The following PRDM13 variants were observed in gnomAD, a reference collection of about 807,000 sequenced individuals.
PRDM13 encodes the protein PR domain zinc finger protein 13.
Under a neutral mutation model 36.4 loss-of-function variants are expected in PRDM13, and 15 were observed. That is an observed-to-expected ratio of 0.41 (90% confidence interval 0.28 to 0.64). PRDM13 has a LOEUF of 0.64. Among genes scored for constraint, PRDM13 ranks in the 30% least tolerant of loss-of-function variants. The pLI is 0.29. For missense variants in PRDM13, 1,044 were observed against 1,013.5 expected (o/e 1.03, Z -0.41); for synonymous variants, 531 against 467.7 (o/e 1.14, Z -1.75).
At position 99,613,668 on chromosome 6, in the gene PRDM13, TC is replaced by T; in HGVS notation, c.1034del (p.Ser345TrpfsTer146). ...ACGRPGSGEN[S>X]AAGGAGHHHH... The stretch of plus-strand genomic sequence containing the variant: ...CGGGCGCCCCGGGAGCGGGGAGAAC[TC>T]GGCGGCGGGCGGCGCGGGTCACCAC... On this transcript the variant is annotated frameshift_variant, in exon 4 of 4. Transcript: ENST00000369215. LOFTEE classifies it high-confidence loss of function. The surrounding 1 kb of genome is among the most constrained non-coding windows in gnomAD (Gnocchi z 6.1). The T allele has an allele frequency of 7.1e-7, 1 of 1,418,348 alleles. No homozygotes were observed. Among genetic ancestry groups the T allele is most frequent in the Middle Eastern group, 2.6e-4 (1 of 3,868 alleles). The allele number at this position is 1,418,348 out of a possible 1,614,324, so 87.9% of individuals were successfully genotyped here.
chr6:99,609,675 TAGG>T (rs1169562846), intron 3 of PRDM13, among the ~76,000 whole-genome samples: 9 of 151,976 alleles, frequency 5.9e-5, no homozygotes, highest in Non-Finnish European at 1.3e-4. Context: ...CACTTGAGGC[TAGG>T]AGTTCGAGAC....
chr6:99,613,659 G>T lies in PRDM13; in HGVS notation c.1024G>T (p.Gly342Trp), dbSNP rs575217517. 4.2e-5 allele frequency: 60 copies of T among 1,427,440 alleles called. No individual in the cohort carries two copies. In the African/African-American group the frequency reaches 8.2e-4, roughly 19 times the overall value. The allele number at this position is 1,427,440 out of a possible 1,614,324, so 88.4% of individuals were successfully genotyped here. Reference protein sequence around the residue: ...GGRACGRPGSGENSAAGGAGH... With the variant: ...GGRACGRPGSWENSAAGGAGH... ...CCGGGCGTGCGGGCGCCCCGGGAGC[G>T]GGGAGAACTCGGCGGCGGGCGGCGC... is the stretch of plus-strand genomic sequence containing the variant. The change falls in exon 4 of 4, where the codon GGG (glycine) becomes TGG (tryptophan). Residue 342 changes from glycine to tryptophan, a missense_variant. By Grantham distance (184) the Gly-to-Trp change is radical (BLOSUM62 -2). Around this residue, in one of 3 missense-constraint regions of PRDM13, gnomAD observed 921 missense variants for 865.2 expected, o/e 1.06. Transcript: ENST00000369215. The surrounding 1 kb of genome is among the most constrained non-coding windows in gnomAD (Gnocchi z 6.1).
rs1430928278 is a variant in PRDM13, at chr6:99,613,963, G to A, written c.1328G>A (p.Gly443Asp). The A allele has an allele frequency of 6.3e-7, 1 of 1,598,712 alleles. No homozygotes were observed. Among genetic ancestry groups the A allele is most frequent in the Non-Finnish European group, 8.5e-7 (1 of 1,175,214 alleles). Residue 443 changes from glycine (G) to aspartate (D), a missense_variant, in exon 4 of 4, where the codon GGT becomes GAT. By Grantham distance (94) the Gly-to-Asp change is moderately conservative (BLOSUM62 -1). Transcript: ENST00000369215. The surrounding 1 kb of genome is among the most constrained non-coding windows in gnomAD (Gnocchi z 6.1). ...RCALPPLDPG[G>D]LKAYPGGECS... The stretch of plus-strand genomic sequence containing the variant: ...GCGCTGCCGCCCCTCGACCCGGGCG[G>A]TCTCAAAGCCTATCCGGGTGGTGAG...
Position 99,608,869 on chromosome 6 carries a change from A to T in PRDM13, c.273A>T (p.Gly91=), listed in dbSNP as rs1769991638. The stretch of plus-strand genomic sequence containing the variant: ...AAGCTATTGCAGACTTACCCGGAGG[A>T]CAGGTACTGCGGGCTTCTCTCCACA... The part of the protein sequence containing the change: ...TLEAIADLPG[G]QIFYRALRDV... The change falls in exon 2 of 4, where the codon GGA becomes GGT. Residue 91 remains glycine, a synonymous_variant. Transcript: ENST00000369215. The T allele has an allele frequency of 2.5e-6, 4 of 1,612,578 alleles. No homozygotes were observed. Among genetic ancestry groups the T allele is most frequent in the Non-Finnish European group, 3.4e-6 (4 of 1,179,272 alleles).
Position 99,615,081 on chromosome 6 carries a change from A to C in PRDM13, c.*322A>C. 1 of 371,444 alleles carries C rather than the reference A, an allele frequency of 2.7e-6. No homozygotes were observed. The highest frequency in any genetic ancestry group is 4.8e-6 in the Non-Finnish European group (1 of 206,484). 23.0% of individuals were successfully genotyped at this position (371,444 alleles called of 1,614,324 possible). A position where few individuals can be genotyped will look rare whatever the true frequency, so the allele number is the denominator to read the frequency against. ...GCTCTTGGTGTTCAGAATCACATCA[A>C]TGCGAACGTCACAGCGCCTTCGAGG... is the stretch of plus-strand genomic sequence containing the variant. On this transcript the variant is annotated 3_prime_UTR_variant, in exon 4 of 4. Coordinates refer to ENST00000369215, the MANE Select transcript of PRDM13 (RefSeq NM_021620.4).
rs754327448 is a variant in PRDM13 at position 99,613,529 on chromosome 6, C to G, written c.894C>G (p.Ala298=). The part of the protein sequence containing the change: ...YPGVRSAFKP[A]GLARAAAAAH... The stretch of plus-strand genomic sequence containing the variant: ...GCGTGCGCTCAGCTTTCAAGCCCGC[C>G]GGCCTAGCGAGGGCGGCGGCGGCCG... Residue 298 remains alanine, a synonymous_variant, in exon 4 of 4, where the codon GCC becomes GCG. Coordinates refer to ENST00000369215, the MANE Select transcript of PRDM13 (RefSeq NM_021620.4). The surrounding 1 kb of genome is among the most constrained non-coding windows in gnomAD (Gnocchi z 6.1). The G allele has an allele frequency of 2.7e-6, 4 of 1,497,760 alleles. No individual in the cohort carries two copies. Among genetic ancestry groups the G allele is most frequent in the Non-Finnish European group, 3.5e-6 (4 of 1,134,418 alleles). The allele number at this position is 1,497,760 out of a possible 1,614,324, so 92.8% of individuals were successfully genotyped here.
Position 99,614,002 on chromosome 6 carries a change from C to T in PRDM13, c.1367C>T (p.Pro456Leu), listed in dbSNP as rs986806827. Residue 456 changes from proline to leucine, a missense_variant, in exon 4 of 4, where the codon CCC becomes CTC. Around this residue, in one of 3 missense-constraint regions of PRDM13, gnomAD observed 921 missense variants for 865.2 expected, o/e 1.06. Transcript: ENST00000369215. ...CCGGGTGGTGAGTGCAGCCACCTGC[C>T]CGCCGTCATGCCGGCCTTTACAGTC... Reference protein sequence around the residue: ...AYPGGECSHLPAVMPAFTVYN... With the variant: ...AYPGGECSHLLAVMPAFTVYN... 1 of 1,609,958 alleles carries T rather than the reference C, an allele frequency of 6.2e-7. No homozygotes were observed. The highest frequency in any genetic ancestry group is 1.3e-5 in the African/African-American group (1 of 74,590).
intron 3 of PRDM13, 49 bp downstream of exon 3, chr6:99,609,356 C>G (rs1166840487): frequency 8.1e-6 from 13 of 1,596,936 alleles, no homozygotes; most frequent in Non-Finnish European, 1.1e-5. Context: ...CCTCCTCCTC[C>G]TGTCTTGAAG....
chr6:99,613,822 C>T lies in PRDM13; in HGVS notation c.1187C>T (p.Pro396Leu), dbSNP rs527649781. The T allele has an allele frequency of 5.3e-6, 8 of 1,511,136 alleles. No homozygotes were observed. The highest frequency in any genetic ancestry group is 7.0e-6 in the Non-Finnish European group (8 of 1,137,028). The allele number at this position is 1,511,136 out of a possible 1,614,324, so 93.6% of individuals were successfully genotyped here. A position where few individuals can be genotyped will look rare whatever the true frequency, so the allele number is the denominator to read the frequency against. ...GGCTTCCCTCTGCTCTCCGTCCCCC[C>T]GGAAGAGGCGTCCGCCTTCAAGCAC... ...LRGFPLLSVPPEEASAFKHVE... is the reference protein window; with the variant it reads ...LRGFPLLSVPLEEASAFKHVE... Residue 396 changes from proline to leucine, a missense_variant, in exon 4 of 4, where the codon CCG becomes CTG. Pro to Leu is a moderately conservative substitution (Grantham distance 98, BLOSUM62 -3). This residue lies in a region of PRDM13 where 921 missense variants were observed against 865.2 expected (regional missense o/e 1.06). Transcript: ENST00000369215. This position sits in a 1 kb window ranked among gnomAD's most constrained non-coding sequence, Gnocchi z 6.1.
intron 3 of PRDM13, among the ~76,000 whole-genome samples, chr6:99,610,239 T>A (rs1297538942): frequency 6.6e-6 from 1 of 152,232 alleles, no homozygotes; most frequent in African/African-American, 2.4e-5. Context: ...GTGCAGTAAC[T>A]AAACAGAAAA....
rs1182952345 is a variant in PRDM13, at chr6:99,613,530, G to A, written c.895G>A (p.Gly299Ser). The change falls in exon 4 of 4, where the codon GGC becomes AGC. Residue 299 changes from glycine (G) to serine (S), a missense_variant. By Grantham distance (56) the Gly-to-Ser change is moderately conservative. This residue lies in a region of PRDM13 where 921 missense variants were observed against 865.2 expected (regional missense o/e 1.06). Coordinates refer to ENST00000369215, the MANE Select transcript of PRDM13 (RefSeq NM_021620.4). The surrounding 1 kb of genome is among the most constrained non-coding windows in gnomAD (Gnocchi z 6.1). ...CGTGCGCTCAGCTTTCAAGCCCGCC[G>A]GCCTAGCGAGGGCGGCGGCGGCCGC... ...PGVRSAFKPA[G>S]LARAAAAAHG... 47 of 1,498,844 alleles carry A rather than the reference G, an allele frequency of 3.1e-5. No homozygotes were observed. Among genetic ancestry groups the A allele is most frequent in the Non-Finnish European group, 4.0e-5 (45 of 1,134,702 alleles). The allele number at this position is 1,498,844 out of a possible 1,614,324, so 92.8% of individuals were successfully genotyped here.
chr6:99,607,434 G>A (rs1373388793), intron 1 of PRDM13, among the ~76,000 whole-genome samples: 3 of 152,066 alleles, frequency 2.0e-5, no homozygotes, highest in Admixed American at 1.3e-4. Context: ...TGTAGGTGCC[G>A]GGACCATTCG....
chr6:99,608,968 A>G (rs867769908), intron 2 of PRDM13, 96 bp downstream of exon 2: 13 of 1,488,196 alleles, frequency 8.7e-6, no homozygotes, highest in Middle Eastern at 1.8e-4. Flanking sequence ...AGAGCAAAGT[A>G]CTTTAGCTAG....
chr6:99,614,122 TCTC>T lies in PRDM13; in HGVS notation c.1490_1492del (p.Ser497del), dbSNP rs746421615. 8 of 1,598,778 alleles carry T rather than the reference TCTC, an allele frequency of 5.0e-6. No homozygotes were observed. In the South Asian group the frequency reaches 7.7e-5, roughly 15 times the overall value. ...GGGCTGCTGAAGTATCCGGAGTCCA[TCTC>T]CTACTTCAGCGGGCCTGCAGCGGCC... is the stretch of plus-strand genomic sequence containing the variant. On this transcript the variant is annotated inframe_deletion, in exon 4 of 4. Coordinates refer to ENST00000369215, the MANE Select transcript of PRDM13 (RefSeq NM_021620.4).
chr6:99,609,189 C>G lies in PRDM13; in HGVS notation c.279C>G (p.Ile93Met), dbSNP rs1769996803. The change falls in exon 3 of 4, where the codon ATC (isoleucine) becomes ATG (methionine). Residue 93 changes from isoleucine (I) to methionine (M), a missense_variant and splice_region_variant. Physicochemically the swap from Ile to Met is conservative, Grantham distance 10. Transcript: ENST00000369215. ...EAIADLPGGQ[I>M]FYRALRDVQP... Reference sequence around the variant, plus strand: ...CTGTTCTATTCCTTGCGTCCCAGATCTTCTACCGAGCATTGCGAGACGTCC... The same window carrying G: ...CTGTTCTATTCCTTGCGTCCCAGATGTTCTACCGAGCATTGCGAGACGTCC... 6.2e-7 allele frequency: 1 copy of G among 1,613,764 alleles called. No homozygotes were observed. The highest frequency in any genetic ancestry group is 2.2e-5 in the East Asian group (1 of 44,854).
chr6:99,614,031 A>C lies in PRDM13; in HGVS notation c.1396A>C (p.Asn466His). ...CGTCATGCCGGCCTTTACAGTCTAC[A>C]ACGGGGAGCTGCTCTACGGCTCACC... ...PAVMPAFTVY[N>H]GELLYGSPAT... The change falls in exon 4 of 4, where the codon AAC becomes CAC. Residue 466 changes from asparagine (N) to histidine (H), a missense_variant. Physicochemically the swap from Asn to His is moderately conservative, Grantham distance 68. Transcript: ENST00000369215. 6.2e-7 allele frequency: 1 copy of C among 1,610,624 alleles called. No homozygotes were observed. The highest frequency in any genetic ancestry group is 8.5e-7 in the Non-Finnish European group (1 of 1,179,202).
intron 1 of PRDM13, among the ~76,000 whole-genome samples, chr6:99,607,780 G>A (rs553873016): frequency 6.6e-6 from 1 of 152,228 alleles, no homozygotes; most frequent in Non-Finnish European, 1.5e-5. Flanking sequence ...GGCTCCAAGG[G>A]CGAGGCGCGC....
rs766108174 is a variant in PRDM13 at position 99,614,802 on chromosome 6, C to T, written c.*43C>T. On this transcript the variant is annotated 3_prime_UTR_variant, in exon 4 of 4. Coordinates refer to ENST00000369215, the MANE Select transcript of PRDM13 (RefSeq NM_021620.4). Reference sequence around the variant, plus strand: ...GGGCGGGGTGAGGACAGAGAGGAGTCGAGGGTTTATTCTCGCAGTAGAGGA... The same window carrying T: ...GGGCGGGGTGAGGACAGAGAGGAGTTGAGGGTTTATTCTCGCAGTAGAGGA... The T allele has an allele frequency of 6.6e-7, 1 of 1,520,606 alleles. No individual in the cohort carries two copies. The highest frequency in any genetic ancestry group is 8.8e-7 in the Non-Finnish European group (1 of 1,136,970). The allele number at this position is 1,520,606 out of a possible 1,614,324, so 94.2% of individuals were successfully genotyped here.
In PRDM13 at chr6:99,613,890, C is replaced by G; in HGVS notation, c.1255C>G (p.Arg419Gly). 2 of 1,559,512 alleles carry G rather than the reference C, an allele frequency of 1.3e-6. No individual in the cohort carries two copies. Among genetic ancestry groups the G allele is most frequent in the Non-Finnish European group, 1.7e-6 (2 of 1,160,740 alleles). The change falls in exon 4 of 4, where the codon CGT (arginine) becomes GGT (glycine). Residue 419 changes from arginine (R) to glycine (G), a missense_variant. By Grantham distance (125) the Arg-to-Gly change is moderately radical. Around this residue, in one of 3 missense-constraint regions of PRDM13, gnomAD observed 921 missense variants for 865.2 expected, o/e 1.06. Transcript: ENST00000369215. The surrounding 1 kb of genome is among the most constrained non-coding windows in gnomAD (Gnocchi z 6.1). The stretch of plus-strand genomic sequence containing the variant: ...CGCAGCCGCCGCGCTGCCAGGAGCG[C>G]GTTATGCGCAGCTGCCCCCTGCGCC... Reference protein sequence around the residue: ...PPAAAALPGARYAQLPPAPGL... With the variant: ...PPAAAALPGAGYAQLPPAPGL...
Sources: allele counts gnomAD v4.1 joint callset (sites outside exome capture counted in the v4.1 genomes callset), GRCh38; gene constraint gnomAD v4.1.1; regional missense constraint gnomAD v4.1.1; non-coding constraint Gnocchi (gnomAD v3.1); transcripts MANE v1.5; gene names NCBI Gene and HGNC (gene_info 2026-07-23, HGNC 2026-07-21).